ICE1: variants seen among roughly 807,000 people sequenced by gnomAD.
The protein encoded by ICE1 is interactor of little elongation complex ELL subunit 1.
A neutral mutation model predicts 192.7 loss-of-function variants in ICE1; 64 were observed. That is an observed-to-expected ratio of 0.33 (90% CI 0.27 to 0.41). The LOEUF (loss-of-function observed/expected upper bound fraction) is 0.41, where lower values mean the gene tolerates loss of function less well. Among genes scored for constraint, ICE1 ranks in the 10% least tolerant of loss-of-function variants. ICE1 has a pLI of 1.00. For missense variants in ICE1, 2,708 were observed against 2,696.0 expected, an observed-to-expected ratio of 1.00 and a Z score of -0.10; for synonymous variants, 1,010 against 984.5, an observed-to-expected ratio of 1.03 and a Z score of -0.49.
At position 5,462,044 on chromosome 5, in the gene ICE1, T is replaced by G. The variant is rs898844616; in HGVS notation, c.2710T>G (p.Cys904Gly). The G allele has an allele frequency of 1.9e-6, 3 of 1,613,906 alleles. No individual in the cohort carries two copies. Among genetic ancestry groups the G allele is most frequent in the Non-Finnish European group, 2.5e-6 (3 of 1,179,864 alleles). ...AACCGGTATGTCAACTGTAGCAAAA[T>G]GTGATGGGGAAAGAGATGATACAAC... ...NKTGMSTVAKCDGERDDTTQN... is the reference protein window; with the variant it reads ...NKTGMSTVAKGDGERDDTTQN... Residue 904 changes from cysteine to glycine, a missense_variant, in exon 13 of 19, where the codon TGT (cysteine) becomes GGT (glycine). Coordinates refer to ENST00000296564, the MANE Select transcript of ICE1 (RefSeq NM_015325.3).
chr5:5,444,957 C>A (rs1738168449), intron 7 of ICE1, among the ~76,000 whole-genome samples: 1 of 152,166 alleles, frequency 6.6e-6, no homozygotes, highest in Non-Finnish European at 1.5e-5. Flanking sequence ...TTCCTCCCTT[C>A]ATTGTGTGGG....
In ICE1 at chr5:5,461,082, G is replaced by C; in HGVS notation, c.1748G>C (p.Gly583Ala). Residue 583 changes from glycine to alanine, a missense_variant, in exon 13 of 19, where the codon GGC becomes GCC. Coordinates refer to ENST00000296564, the MANE Select transcript of ICE1 (RefSeq NM_015325.3). ...TSEPDRITVS[G>A]HFHRLSRELE... ...GAACCAGACCGTATCACAGTTTCTG[G>C]CCATTTTCACAGACTATCTAGAGAA... 1 of 1,614,002 alleles carries C rather than the reference G, an allele frequency of 6.2e-7. No individual in the cohort carries two copies. Among genetic ancestry groups the C allele is most frequent in the Non-Finnish European group, 8.5e-7 (1 of 1,179,904 alleles).
intron 15 of ICE1, among the ~76,000 whole-genome samples, chr5:5,472,260 A>G (rs918221892): frequency 6.6e-5 from 10 of 152,328 alleles, no homozygotes; most frequent in South Asian, 6.2e-4. Context: ...AATGTAGAAC[A>G]TGAGTTGTAA....
chr5:5,475,164 T>G (rs770212417), intron 16 of ICE1, among the ~76,000 whole-genome samples: 14 of 152,118 alleles, frequency 9.2e-5, no homozygotes, highest in Non-Finnish European at 1.9e-4. Context: ...CCGTCAAAGA[T>G]GCTTCGTCCA....
chr5:5,486,579 A>T, intron 17 of ICE1, 142 bp from the exon 18 acceptor site: 1 of 593,664 alleles, frequency 1.7e-6, no homozygotes, highest in Non-Finnish European at 3.0e-6. Context: ...AACACATTGT[A>T]TATCATCTGG....
intron 11 of ICE1, 34 bp downstream of exon 11, chr5:5,454,672 T>C: frequency 6.5e-7 from 1 of 1,532,118 alleles, no homozygotes; most frequent in East Asian, 2.2e-5. Context: ...CGATTTCATA[T>C]GTGAAAGTAC....
At chr5:5,431,920 A>G (rs1210745616) in intron 1 of ICE1, among the ~76,000 whole-genome samples, 1 of 150,230 alleles carries the variant, frequency 6.7e-6, no homozygotes, top group Non-Finnish European at 1.5e-5. Flanking sequence ...TCTTGTGTTG[A>G]TACCCTATTT....
rs1046587731 is a variant in ICE1 at position 5,439,848 on chromosome 5, A to G, written c.179-47A>G. On this transcript the variant is annotated intron_variant, in intron 3 of 18. Coordinates refer to ENST00000296564, the MANE Select transcript of ICE1 (RefSeq NM_015325.3). ...TGTAAAGTGAGTTTTATCTCCAGAGAAGTATCAGAAGATAAAATTCTCAGA... is the reference window on the plus strand; with the variant it reads ...TGTAAAGTGAGTTTTATCTCCAGAGGAGTATCAGAAGATAAAATTCTCAGA... The G allele has an allele frequency of 3.0e-6, 4 of 1,344,404 alleles. No homozygotes were observed. The African/African-American group carries it at 5.9e-5, about 20-fold the overall frequency. The allele number at this position is 1,344,404 out of a possible 1,614,324, so 83.3% of individuals were successfully genotyped here.
chr5:5,474,071 G>T (rs1425462899), intron 16 of ICE1, among the ~76,000 whole-genome samples: 2 of 151,930 alleles, frequency 1.3e-5, no homozygotes, highest in South Asian at 2.1e-4. Context: ...TTAGCTGGGC[G>T]TGGTGGTGGG....
At chr5:5,438,400 A>G (rs1450069960) in intron 3 of ICE1, among the ~76,000 whole-genome samples, 1 of 152,248 alleles carries the variant, frequency 6.6e-6, no homozygotes, top group Non-Finnish European at 1.5e-5. Context: ...ATTAAGAGAT[A>G]TCCTTTAGAT....
intron 17 of ICE1, among the ~76,000 whole-genome samples, chr5:5,480,727 A>G (rs1278556234): frequency 1.3e-5 from 2 of 152,220 alleles, no homozygotes; most frequent in South Asian, 2.1e-4. Flanking sequence ...ATATAGCAAC[A>G]TTGCCCTAAG....
chr5:5,461,402 C>T lies in ICE1; in HGVS notation c.2068C>T (p.Pro690Ser). 6.2e-7 allele frequency: 1 copy of T among 1,613,966 alleles called. No homozygotes were observed. Among genetic ancestry groups the T allele is most frequent in the East Asian group, 2.2e-5 (1 of 44,884 alleles). Residue 690 changes from proline (P) to serine (S), a missense_variant, in exon 13 of 19, where the codon CCG becomes TCG. By Grantham distance (74) the Pro-to-Ser change is moderately conservative. Coordinates refer to ENST00000296564, the MANE Select transcript of ICE1 (RefSeq NM_015325.3). ...CACATTACATCTGCAGTCTGAGCCACCGGAGTGTTCTATAGGAGGAAACAA... is the reference window on the plus strand; with the variant it reads ...CACATTACATCTGCAGTCTGAGCCATCGGAGTGTTCTATAGGAGGAAACAA... ...LNTLHLQSEP[P>S]ECSIGGNNLE...
intron 1 of ICE1, among the ~76,000 whole-genome samples, chr5:5,434,782 A>G (rs1322132879): frequency 6.6e-6 from 1 of 152,220 alleles, no homozygotes; most frequent in Admixed American, 6.5e-5. Flanking sequence ...CACCCATAGT[A>G]TGAATTGTAT....
intron 14 of ICE1, 46 bp downstream of exon 14, chr5:5,466,548 C>T: frequency 1.3e-6 from 2 of 1,483,976 alleles, no homozygotes; most frequent in Non-Finnish European, 1.8e-6. Context: ...ATACGATTGC[C>T]TTTTTCCCTT....
In ICE1 at chr5:5,483,587, A is replaced by G. The variant is rs376306613; in HGVS notation, c.6521-3134A>G. On this transcript the variant is annotated intron_variant, in intron 17 of 18. Transcript: ENST00000296564. ...AGTGCTCAGTTCTTGGCAGAGCTGA[A>G]GCCTAGAAAGATTAAGCCCTTCTCT... 1.2e-4 allele frequency among the ~76,000 whole-genome samples: 19 copies of G among 152,332 alleles called. 1 individual carries two copies. Among genetic ancestry groups the G allele is most frequent in the African/African-American group, 4.6e-4 (19 of 41,582 alleles).
chr5:5,445,425 T>A lies in ICE1; in HGVS notation c.424+1099T>A, dbSNP rs1738187297. ...TTTTTTAATTTTTAAACTTTTTAAA[T>A]TTTTTATTTATCATATTTTATTTTT... On this transcript the variant is annotated intron_variant, in intron 7 of 18. Coordinates refer to ENST00000296564, the MANE Select transcript of ICE1 (RefSeq NM_015325.3). Among the ~76,000 whole-genome samples the A allele has an allele frequency of 1.3e-5, 2 of 152,120 alleles. 1 individual carries two copies. The highest frequency in any genetic ancestry group is 4.1e-4 in the South Asian group (2 of 4,824).
At chr5:5,452,849 TATTC>T (rs1738465665) in intron 10 of ICE1, among the ~76,000 whole-genome samples, 1 of 152,188 alleles carries the variant, frequency 6.6e-6, no homozygotes, top group Non-Finnish European at 1.5e-5. Flanking sequence ...AGTCCTTAAA[TATTC>T]ATACATGCCT....
intron 3 of ICE1, among the ~76,000 whole-genome samples, chr5:5,439,690 A>G (rs907975167): frequency 1.8e-4 from 28 of 152,304 alleles, no homozygotes; most frequent in Non-Finnish European, 3.4e-4. Flanking sequence ...GACTTGGTAC[A>G]TGTTATTATG....
At position 5,468,903 on chromosome 5, in the gene ICE1, T is replaced by C; in HGVS notation, c.6137T>C (p.Ile2046Thr). The change falls in exon 15 of 19, where the codon ATT becomes ACT. Residue 2046 changes from isoleucine to threonine, a missense_variant. Transcript: ENST00000296564. ...WHDIFLSQSV[I>T]NKAMQLVARQ... The stretch of plus-strand genomic sequence containing the variant: ...GATATATTTCTCTCTCAATCGGTGA[T>C]TAATAAAGCAATGCAGTTAGTTGCC... 1 of 1,607,460 alleles carries C rather than the reference T, an allele frequency of 6.2e-7. No homozygotes were observed. Among genetic ancestry groups the C allele is most frequent in the South Asian group, 1.1e-5 (1 of 89,494 alleles).
Sources: gnomAD v4.1 joint callset for allele counts (sites outside exome capture counted in the v4.1 genomes callset) on GRCh38, gnomAD v4.1.1 for gene constraint, MANE v1.5 for transcripts, NCBI Gene and HGNC (gene_info 2026-07-23, HGNC 2026-07-21) for gene names.